SPIDR: variants seen among roughly 807,000 people sequenced by gnomAD.
The protein encoded by SPIDR is DNA repair-scaffolding protein.
In SPIDR, 93 loss-of-function variants were observed where a neutral mutation model predicts 104.6. The observed-to-expected ratio is 0.89, with a 90% CI of 0.75 to 1.06. The LOEUF (loss-of-function observed/expected upper bound fraction) is 1.06, where lower values mean the gene tolerates loss of function less well. Among genes scored for constraint, SPIDR ranks in the 50% least tolerant of loss-of-function variants. SPIDR has a pLI of 0.00. For missense variants in SPIDR, 1,154 were observed against 1,111.2 expected, an observed-to-expected ratio of 1.04 and a Z score of -0.55; for synonymous variants, 431 against 416.9, an observed-to-expected ratio of 1.03 and a Z score of -0.41.
intron 19 of SPIDR, among the ~76,000 whole-genome samples, chr8:47,734,286 C>G (rs1311424705): frequency 6.6e-6 from 1 of 152,136 alleles, no homozygotes; most frequent in African/African-American, 2.4e-5. Context: ...CGTGGAACAT[C>G]ACTTGGTGTC....
At position 47,440,490 on chromosome 8, in the gene SPIDR, G is replaced by A. The variant is rs782141616; in HGVS notation, c.1045G>A (p.Ala349Thr). ...GLKVLFTKET[A>T]GYLRGRPQDT... ...GAAAGTTCTCTTCACCAAGGAGACTGCAGGCTACCTCAGGGGCCGTCCCCA... is the reference window on the plus strand; with the variant it reads ...GAAAGTTCTCTTCACCAAGGAGACTACAGGCTACCTCAGGGGCCGTCCCCA... Residue 349 changes from alanine to threonine, a missense_variant, in exon 8 of 20, where the codon GCA becomes ACA. Transcript: ENST00000297423. The A allele has an allele frequency of 3.1e-6, 5 of 1,614,218 alleles. No homozygotes were observed. Among genetic ancestry groups the A allele is most frequent in the Admixed American group, 1.7e-5 (1 of 60,028 alleles).
At chr8:47,481,975 C>A (rs922107613) in intron 8 of SPIDR, among the ~76,000 whole-genome samples, 1 of 152,116 alleles carries the variant, frequency 6.6e-6, no homozygotes, top group Non-Finnish European at 1.5e-5. Context: ...ATGTATTGTT[C>A]TATTTGGAGT....
chr8:47,641,648 C>T (rs2154447276), intron 10 of SPIDR, among the ~76,000 whole-genome samples: 1 of 152,292 alleles, frequency 6.6e-6, no homozygotes, highest in East Asian at 1.9e-4. Context: ...AGGAATGCCA[C>T]ATGTGGCTGG....
At chr8:47,439,132 A>C (rs782601859) in intron 7 of SPIDR, among the ~76,000 whole-genome samples, 12 of 152,192 alleles carry the variant, frequency 7.9e-5, no homozygotes, top group Non-Finnish European at 1.6e-4. Context: ...TAGAATTAGT[A>C]ACACATGTCA....
At chr8:47,489,585 T>A (rs1564119741) in intron 8 of SPIDR, among the ~76,000 whole-genome samples, 1 of 152,328 alleles carries the variant, frequency 6.6e-6, no homozygotes, top group Admixed American at 6.5e-5. Flanking sequence ...AGCATCACAC[T>A]ATTTGACTTT....
intron 11 of SPIDR, among the ~76,000 whole-genome samples, chr8:47,675,694 T>C (rs2076345472): frequency 6.6e-6 from 1 of 152,216 alleles, no homozygotes; most frequent in Non-Finnish European, 1.5e-5. Flanking sequence ...CACATGCCTG[T>C]AGTCCCAGCT....
intron 10 of SPIDR, among the ~76,000 whole-genome samples, chr8:47,606,979 C>A (rs558719414): frequency 6.6e-6 from 1 of 152,320 alleles, no homozygotes; most frequent in Admixed American, 6.5e-5. Context: ...ACACAGGGGA[C>A]CATTTCACCT....
chr8:47,296,370 T>C (rs2040843955), intron 5 of SPIDR, among the ~76,000 whole-genome samples: 1 of 152,202 alleles, frequency 6.6e-6, no homozygotes, highest in African/African-American at 2.4e-5. Flanking sequence ...TTTCCCTATG[T>C]TTTATTTCAG....
chr8:47,421,896 G>T (rs1482541237), intron 7 of SPIDR, among the ~76,000 whole-genome samples: 1 of 152,178 alleles, frequency 6.6e-6, no homozygotes, highest in Admixed American at 6.5e-5. Context: ...TGATTGCCTG[G>T]GTATCAGCAG....
Position 47,599,138 on chromosome 8 carries a change from G to C in SPIDR, c.1486G>C (p.Asp496His). 2 of 1,613,712 alleles carry C rather than the reference G, an allele frequency of 1.2e-6. No homozygotes were observed. The highest frequency in any genetic ancestry group is 1.1e-5 in the South Asian group (1 of 90,980). The change falls in exon 10 of 20, where the codon GAC (aspartate) becomes CAC (histidine). Residue 496 changes from aspartate (D) to histidine (H), a missense_variant. By Grantham distance (81) the Asp-to-His change is moderately conservative. Transcript: ENST00000297423. Reference sequence around the variant, plus strand: ...AAGAGTGTATTCTCTTCCCAGCAGAGACAGCACCAGGGGTCAGCAGGGGGC... The same window carrying C: ...AAGAGTGTATTCTCTTCCCAGCAGACACAGCACCAGGGGTCAGCAGGGGGC... ...VQRVYSLPSR[D>H]STRGQQGASS... is the part of the protein sequence containing the mutation.
intron 10 of SPIDR, among the ~76,000 whole-genome samples, chr8:47,606,373 A>C (rs113458243): frequency 8.5e-5 from 13 of 152,128 alleles, no homozygotes; most frequent in African/African-American, 2.9e-4. Context: ...CAAAAAAAAA[A>C]AAATTAGCTG....
chr8:47,365,880 G>A (rs916542480), intron 5 of SPIDR, among the ~76,000 whole-genome samples: 12 of 151,984 alleles, frequency 7.9e-5, no homozygotes, highest in African/African-American at 2.9e-4. Context: ...TGGATTGTGA[G>A]AAAAAAGAAA....
intron 7 of SPIDR, among the ~76,000 whole-genome samples, chr8:47,422,176 C>T (rs2065613710): frequency 6.6e-6 from 1 of 152,174 alleles, no homozygotes; most frequent in African/African-American, 2.4e-5. Flanking sequence ...GTTTCTGCTG[C>T]CTTTTGTTTG....
At chr8:47,389,301 TA>T (rs1268741857) in intron 5 of SPIDR, among the ~76,000 whole-genome samples, 1 of 152,206 alleles carries the variant, frequency 6.6e-6, no homozygotes, top group African/African-American at 2.4e-5. Context: ...ATGGAAAATG[TA>T]AGTGTTTTAA....
chr8:47,713,430 A>T, intron 15 of SPIDR, 59 bp from the exon 16 acceptor site: 1 of 1,609,814 alleles, frequency 6.2e-7, no homozygotes, highest in Non-Finnish European at 8.5e-7. Context: ...GACTGCCATT[A>T]TGGGCACAAT....
intron 8 of SPIDR, among the ~76,000 whole-genome samples, chr8:47,483,586 A>G (rs2077163943): frequency 6.6e-6 from 1 of 152,186 alleles, no homozygotes; most frequent in Non-Finnish European, 1.5e-5. Context: ...GGTGACTAAG[A>G]AGCTGAACTC....
intron 8 of SPIDR, among the ~76,000 whole-genome samples, chr8:47,518,602 T>C (rs1224438788): frequency 6.6e-6 from 1 of 151,612 alleles, no homozygotes; most frequent in South Asian, 2.1e-4. Flanking sequence ...ACTGGGGTGA[T>C]AGGGCATGTT....
rs149675528 is a variant in SPIDR, at chr8:47,611,913, C to T, written c.1544+12717C>T. Among the ~76,000 whole-genome samples the T allele has an allele frequency of 3.2e-3, 492 of 152,182 alleles. 4 individuals are homozygous for T. Among genetic ancestry groups the T allele is most frequent in the South Asian group, 0.014 (69 of 4,820 alleles). The stretch of plus-strand genomic sequence containing the variant: ...ATTAAACAAAAAAGGAGAACTGAGC[C>T]GTCAAGAGGTAGCTTGTGGGGAGAG... On this transcript the variant is annotated intron_variant, in intron 10 of 19. Coordinates refer to ENST00000297423, the MANE Select transcript of SPIDR (RefSeq NM_001080394.4).
chr8:47,618,588 C>G (rs1448235171), intron 10 of SPIDR, among the ~76,000 whole-genome samples: 1 of 152,060 alleles, frequency 6.6e-6, no homozygotes, highest in African/African-American at 2.4e-5. Flanking sequence ...TCAGAATTAC[C>G]TGGCAAGTAA....
Sources: allele counts gnomAD v4.1 joint callset (sites outside exome capture counted in the v4.1 genomes callset), GRCh38; gene constraint gnomAD v4.1.1; transcripts MANE v1.5; gene names NCBI Gene and HGNC (gene_info 2026-07-23, HGNC 2026-07-21).